STK32B: variants seen among roughly 807,000 people sequenced by gnomAD.
STK32B encodes the protein serine/threonine-protein kinase 32B.
Under a neutral mutation model 52.6 loss-of-function variants are expected in STK32B, and 43 were observed. That is an observed-to-expected ratio of 0.82 (90% CI 0.64 to 1.05). STK32B has a LOEUF of 1.05. Among genes scored for constraint, STK32B ranks in the 50% least tolerant of loss-of-function variants. STK32B has a pLI of 0.00. For missense variants in STK32B, 621 were observed against 534.6 expected (o/e 1.16, Z -1.59); for synonymous variants, 238 against 204.3 (o/e 1.17, Z -1.41).
chr4:5,144,784 T>C (rs867421514), intron 2 of STK32B, among the ~76,000 whole-genome samples: 3 of 95,618 alleles, frequency 3.1e-5, no homozygotes. Context: ...ACTCATTCAC[T>C]CATCCATCCA....
intron 1 of STK32B, among the ~76,000 whole-genome samples, chr4:5,081,840 C>T (rs1336566887): frequency 6.6e-6 from 1 of 152,168 alleles, no homozygotes. Flanking sequence ...TCTTTAAAAA[C>T]TATTATTTTG....
rs142847527 is a variant in STK32B, at chr4:5,068,973, A to G, written c.52+17058A>G. ...GCAAATTTCCAGTATATAGTATGTTATTATTAACAACGGTCACCAATGATA... is the reference window on the plus strand; with the variant it reads ...GCAAATTTCCAGTATATAGTATGTTGTTATTAACAACGGTCACCAATGATA... On this transcript the variant is annotated intron_variant, in intron 1 of 11. Transcript: ENST00000282908. Among the ~76,000 whole-genome samples the G allele has an allele frequency of 8.5e-5, 13 of 152,280 alleles. No homozygotes were observed. The East Asian group carries it at 2.3e-3, about 27-fold the overall frequency.
chr4:5,420,577 T>A (rs1315024305), intron 6 of STK32B, among the ~76,000 whole-genome samples: 1 of 152,042 alleles, frequency 6.6e-6, no homozygotes, highest in Non-Finnish European at 1.5e-5. Context: ...GACATGTGGA[T>A]GGAGAACCTG....
intron 3 of STK32B, among the ~76,000 whole-genome samples, chr4:5,277,046 T>G (rs73794512): frequency 6.6e-6 from 1 of 152,254 alleles, no homozygotes. Context: ...TTTTATCTTA[T>G]GGAGTTCATT....
At chr4:5,436,007 G>A (rs562329211) in intron 6 of STK32B, 2 of 151,918 alleles carry the variant, frequency 1.3e-5, no homozygotes, top group South Asian at 4.2e-4. Flanking sequence ...AACAGAGACA[G>A]AGACAGGGTG....
chr4:5,149,498 T>C (rs772533105), intron 2 of STK32B, among the ~76,000 whole-genome samples: 2 of 151,874 alleles, frequency 1.3e-5, no homozygotes, highest in African/African-American at 2.4e-5. Flanking sequence ...GTTCCAGTAT[T>C]ATGTTTTAAA....
At position 5,470,943 on chromosome 4, in the gene STK32B, C is replaced by T. The variant is rs1362373365; in HGVS notation, c.1106+2873C>T. On this transcript the variant is annotated intron_variant, in intron 11 of 11. Coordinates refer to ENST00000282908, the MANE Select transcript of STK32B (RefSeq NM_018401.3). The surrounding 1 kb of genome is among the most constrained non-coding windows in gnomAD (Gnocchi z 4.6). ...GAGCCAAGCATCAAGCCAGGCTTGT[C>T]GTCATGCTCCGCCTGGACCACGTCC... is the stretch of plus-strand genomic sequence containing the variant. Among the ~76,000 whole-genome samples, 3 of 152,346 alleles carry T rather than the reference C, an allele frequency of 2.0e-5. No homozygotes were observed. Among genetic ancestry groups the T allele is most frequent in the Admixed American group, 6.5e-5 (1 of 15,302 alleles).
rs1577446804 is a variant in STK32B, at chr4:5,400,129, G to A, written c.472+1885G>A. On this transcript the variant is annotated intron_variant, in intron 5 of 11. Coordinates refer to ENST00000282908, the MANE Select transcript of STK32B (RefSeq NM_018401.3). This position sits in a 1 kb window ranked among gnomAD's most constrained non-coding sequence, Gnocchi z 6.1. ...TGAGGAAAAGTGACACAGAGAGTAT[G>A]GGGGTAACCCAGGACTGCCTGGCTT... Among the ~76,000 whole-genome samples the A allele has an allele frequency of 1.3e-5, 2 of 151,806 alleles. No individual in the cohort carries two copies. Among genetic ancestry groups the A allele is most frequent in the African/African-American group, 4.9e-5 (2 of 41,066 alleles).
chr4:5,275,540 C>T (rs1727756311), intron 3 of STK32B, among the ~76,000 whole-genome samples: 1 of 151,884 alleles, frequency 6.6e-6, no homozygotes, highest in Admixed American at 6.6e-5. Flanking sequence ...TTCACCATCC[C>T]CTTGAACCTT....
chr4:5,459,282 G>GCCC lies in STK32B; in HGVS notation c.784-811_784-809dup, dbSNP rs55688341. Among the ~76,000 whole-genome samples, 307 of 132,950 alleles carry GCCC rather than the reference G, an allele frequency of 2.3e-3. 17 individuals are homozygous for GCCC. The highest frequency in any genetic ancestry group is 3.4e-3 in the African/African-American group (119 of 35,028). The allele number at this position is 132,950 out of a possible 152,430, so 87.2% of individuals were successfully genotyped here. A position where few individuals can be genotyped will look rare whatever the true frequency, so the allele number is the denominator to read the frequency against. ...CAGCTCCACCTGTGGACCCTGGTGT[G>GCCC]CCCCCCCCCCCCACCTTTCTAAGTA... On this transcript the variant is annotated intron_variant, in intron 8 of 11. Transcript: ENST00000282908.
intron 3 of STK32B, among the ~76,000 whole-genome samples, chr4:5,257,199 ATGAG>A (rs755885910): frequency 1.1e-4 from 16 of 152,012 alleles, no homozygotes; most frequent in South Asian, 2.1e-4. Flanking sequence ...GAGTGAGTGA[ATGAG>A]TGAGTGAGCA....
At chr4:5,022,409 C>T in the STK32B span, among the ~76,000 whole-genome samples, 2 of 152,186 alleles carry the variant, frequency 1.3e-5, no homozygotes, top group African/African-American at 2.4e-5. Flanking sequence ...TATGAGACGC[C>T]GCACTGGATA....
At chr4:5,368,918 G>A (rs1392356609) in intron 4 of STK32B, among the ~76,000 whole-genome samples, 2 of 152,162 alleles carry the variant, frequency 1.3e-5, no homozygotes, top group Admixed American at 6.5e-5. Flanking sequence ...CTTCCTTGCT[G>A]TGGCAAAGAT....
intron 3 of STK32B, among the ~76,000 whole-genome samples, chr4:5,237,312 C>A (rs1030692206): frequency 2.6e-5 from 4 of 152,162 alleles, no homozygotes; most frequent in African/African-American, 9.7e-5. Context: ...TTGACAGCTG[C>A]CTGCAGGGGA....
chr4:5,219,851 C>T (rs1812310), intron 3 of STK32B, among the ~76,000 whole-genome samples: 129,937 of 152,242 alleles, frequency 0.85, 55,673 homozygotes, highest in East Asian at 0.98. Context: ...TGTCACTAGC[C>T]GCTTTTTGGA....
Position 5,453,469 on chromosome 4 carries a change from G to A in STK32B, c.667-3338G>A, listed in dbSNP as rs191847873. ...AGTCTCTTTTCATCTCCCAGCCTCA[G>A]TTTCCTGACGTTTGAAATGAGGGAT... On this transcript the variant is annotated intron_variant, in intron 7 of 11. Coordinates refer to ENST00000282908, the MANE Select transcript of STK32B (RefSeq NM_018401.3). The surrounding 1 kb of genome is among the most constrained non-coding windows in gnomAD (Gnocchi z 4.0). 3.1e-4 allele frequency among the ~76,000 whole-genome samples: 47 copies of A among 152,294 alleles called. No homozygotes were observed. Among genetic ancestry groups the A allele is most frequent in the African/African-American group, 1.1e-3 (47 of 41,568 alleles).
intron 3 of STK32B, among the ~76,000 whole-genome samples, chr4:5,207,280 C>G (rs1474282660): frequency 6.6e-6 from 1 of 152,156 alleles, no homozygotes; most frequent in East Asian, 1.9e-4. Flanking sequence ...TCCCATAATC[C>G]CCATGTGTCA....
intron 3 of STK32B, among the ~76,000 whole-genome samples, chr4:5,226,386 G>A (rs925198489): frequency 1.3e-5 from 2 of 152,088 alleles, no homozygotes; most frequent in Non-Finnish European, 2.9e-5. Context: ...ATTCTCCATG[G>A]TTTCAGTTAC....
Position 5,139,916 on chromosome 4 carries a change from C to T in STK32B, c.64C>T (p.His22Tyr). Residue 22 changes from histidine (H) to tyrosine (Y), a missense_variant, in exon 2 of 12, where the codon CAT (histidine) becomes TAT (tyrosine). His to Tyr is a moderately conservative substitution (Grantham distance 83). Coordinates refer to ENST00000282908, the MANE Select transcript of STK32B (RefSeq NM_018401.3). ...FDENEEVNFD[H>Y]FQILRAIGKG... ...GTTTTCTTTTGCAGTCAACTTTGAC[C>T]ATTTTCAGATTCTGCGGGCCATTGG... The T allele has an allele frequency of 6.2e-7, 1 of 1,614,070 alleles. No individual in the cohort carries two copies. Among genetic ancestry groups the T allele is most frequent in the Non-Finnish European group, 8.5e-7 (1 of 1,180,012 alleles).
Sources: allele counts gnomAD v4.1 joint callset (sites outside exome capture counted in the v4.1 genomes callset), GRCh38; gene constraint gnomAD v4.1.1; non-coding constraint Gnocchi (gnomAD v3.1); transcripts MANE v1.5; gene names NCBI Gene and HGNC (gene_info 2026-07-23, HGNC 2026-07-21).